PRSS56: variants seen among roughly 807,000 people sequenced by gnomAD.
The protein encoded by PRSS56 is serine protease 56, also known as protease, serine 56.
Under a neutral mutation model 66.8 loss-of-function variants are expected in PRSS56, and 55 were observed. That is an observed-to-expected ratio of 0.82 (90% confidence interval 0.66 to 1.03). The LOEUF is 1.03. Among genes scored for constraint, PRSS56 ranks in the 50% least tolerant of loss-of-function variants. The pLI is 0.00. For synonymous variants in PRSS56, 409 were observed against 387.9 expected (o/e 1.05, Z -0.64); for missense variants, 869 against 837.2 (o/e 1.04, Z -0.47).
intron 6 of PRSS56, 97 bp from the exon 7 acceptor site, chr2:232,522,962 CT>C: frequency 6.9e-7 from 1 of 1,443,422 alleles, no homozygotes; most frequent in Admixed American, 2.5e-5. Context: ...GCTGCCTGCT[CT>C]TTCAAAGGGG....
intron 5 of PRSS56, 25 bp from the exon 6 acceptor site, chr2:232,522,677 C>T (rs1691307805): frequency 6.5e-7 from 1 of 1,533,550 alleles, no homozygotes; most frequent in Admixed American, 2.0e-5. Flanking sequence ...GCTTCCTTGA[C>T]CCTGCGCCGC....
Position 232,524,376 on chromosome 2 carries a change from A to G in PRSS56, c.1414+7A>G. ...CCGCGCGGAGAAGCCAACGGTAATG[A>G]CGCCCCCTGCCGACCTTCAGGAGGG... is the stretch of plus-strand genomic sequence containing the variant. On this transcript the variant is annotated splice_region_variant and intron_variant, in intron 11 of 12. Coordinates refer to ENST00000617714, the MANE Select transcript of PRSS56 (RefSeq NM_001195129.2). The G allele has an allele frequency of 6.5e-7, 1 of 1,534,482 alleles. No homozygotes were observed. Among genetic ancestry groups the G allele is most frequent in the Non-Finnish European group, 8.7e-7 (1 of 1,146,216 alleles).
chr2:232,521,765 G>A (rs980629817), intron 2 of PRSS56, 51 bp from the exon 3 acceptor site: 18 of 1,517,934 alleles, frequency 1.2e-5, no homozygotes, highest in Non-Finnish European at 1.6e-5. Context: ...AGCCTGGGGT[G>A]AGGACAGGCG....
intron 4 of PRSS56, 138 bp downstream of exon 4, chr2:232,522,298 T>C: frequency 1.1e-6 from 1 of 910,488 alleles, no homozygotes; most frequent in Non-Finnish European, 1.5e-6. Flanking sequence ...GGCTTCCCCA[T>C]CTCAAGGCGC....
intron 1 of PRSS56, 110 bp from the exon 2 acceptor site, chr2:232,521,211 C>A: frequency 1.2e-6 from 1 of 810,384 alleles, no homozygotes; most frequent in Non-Finnish European, 2.0e-6. Context: ...CCTCCTCATT[C>A]TGTCCCAGGC....
At chr2:232,524,973 GGGGTA>G in intron 12 of PRSS56, 129 bp downstream of exon 12, 1 of 855,366 alleles carries the variant, frequency 1.2e-6, no homozygotes, top group Non-Finnish European at 1.8e-6. Context: ...CCCAGCTCTG[GGGGTA>G]GGTAGAGGGT....
intron 5 of PRSS56, 30 bp downstream of exon 5, chr2:232,522,644 C>T: frequency 6.5e-7 from 1 of 1,532,320 alleles, no homozygotes; most frequent in Non-Finnish European, 8.7e-7. Flanking sequence ...GCCCCCAAGG[C>T]TGGGCACCGC....
intron 7 of PRSS56, 76 bp downstream of exon 7, chr2:232,523,278 T>C: frequency 1.4e-6 from 2 of 1,421,340 alleles, no homozygotes; most frequent in Non-Finnish European, 9.2e-7. Context: ...CTTCCACGTC[T>C]GTCTGTCACT....
Position 232,524,090 on chromosome 2 carries a change from A to T in PRSS56, c.1238A>T (p.Glu413Val), listed in dbSNP as rs1277722460. 6.6e-7 allele frequency: 1 copy of T among 1,523,404 alleles called. No homozygotes were observed. Among genetic ancestry groups the T allele is most frequent in the South Asian group, 1.2e-5 (1 of 82,946 alleles). 94.4% of individuals were successfully genotyped at this position (1,523,404 alleles called of 1,614,324 possible). ...CTGGGCCTGCTGCGGAACGCGCAGG[A>T]GCTGCTCGGGCCTCGTCCGGGACTG... is the stretch of plus-strand genomic sequence containing the variant. ...TLLGLLRNAQ[E>V]LLGPRPGLRR... The change falls in exon 10 of 13, where the codon GAG (glutamate) becomes GTG (valine). Residue 413 changes from glutamate to valine, a missense_variant. Physicochemically the swap from Glu to Val is moderately radical, Grantham distance 121. Around this residue, in one of 3 missense-constraint regions of PRSS56, gnomAD observed 551 missense variants for 506.9 expected, o/e 1.09. Transcript: ENST00000617714.
In PRSS56 at chr2:232,523,847, C is replaced by T. The variant is rs1157774143; in HGVS notation, c.1088C>T (p.Ala363Val). 6.5e-7 allele frequency: 1 copy of T among 1,533,220 alleles called. No individual in the cohort carries two copies. Among genetic ancestry groups the T allele is most frequent in the Non-Finnish European group, 8.7e-7 (1 of 1,146,204 alleles). 95.0% of individuals were successfully genotyped at this position (1,533,220 alleles called of 1,614,324 possible). A position where few individuals can be genotyped will look rare whatever the true frequency, so the allele number is the denominator to read the frequency against. The part of the protein sequence containing the change: ...DPPQELQADA[A>V]RLCAFYARLC... ...CCCCAGGAGCTGCAGGCAGACGCCG[C>T]CCGGCTCTGCGCCTTCTATGCCCGC... The change falls in exon 9 of 13, where the codon GCC (alanine) becomes GTC (valine). Residue 363 changes from alanine (A) to valine (V), a missense_variant. Around this residue, in one of 3 missense-constraint regions of PRSS56, gnomAD observed 551 missense variants for 506.9 expected, o/e 1.09. Coordinates refer to ENST00000617714, the MANE Select transcript of PRSS56 (RefSeq NM_001195129.2).
At position 232,523,911 on chromosome 2, in the gene PRSS56, G is replaced by T. The variant is rs772603106; in HGVS notation, c.1152G>T (p.Ala384=). The T allele has an allele frequency of 1.5e-5, 22 of 1,515,522 alleles. No individual in the cohort carries two copies. Among genetic ancestry groups the T allele is most frequent in the Non-Finnish European group, 1.8e-5 (21 of 1,137,002 alleles). The allele number at this position is 1,515,522 out of a possible 1,614,324, so 93.9% of individuals were successfully genotyped here. A position where few individuals can be genotyped will look rare whatever the true frequency, so the allele number is the denominator to read the frequency against. Reference sequence around the variant, plus strand: ...CCCAGGGCGCCTGTGCGCGCCTGGCGCACCAGCAGTGCCTGCAGCGCCGGC... The same window carrying T: ...CCCAGGGCGCCTGTGCGCGCCTGGCTCACCAGCAGTGCCTGCAGCGCCGGC... ...PGSQGACARL[A]HQQCLQRRRR... The change falls in exon 9 of 13, where the codon GCG becomes GCT. Residue 384 remains alanine (A), a synonymous_variant. Coordinates refer to ENST00000617714, the MANE Select transcript of PRSS56 (RefSeq NM_001195129.2).
At chr2:232,522,468 G>C in intron 4 of PRSS56, 47 bp from the exon 5 acceptor site, 1 of 1,454,428 alleles carries the variant, frequency 6.9e-7, no homozygotes. Flanking sequence ...GGGCCTGCGG[G>C]GTGTGCCCCT....
chr2:232,524,178 C>G lies in PRSS56; in HGVS notation c.1326C>G (p.Pro442=). ...CGCTCAGGGAGTCTCCTCTGCACCC[C>G]GCCCGGGAGCTGCGGCTTCACTCAG... The part of the protein sequence containing the change: ...APALRESPLH[P]ARELRLHSGS... The change falls in exon 10 of 13, where the codon CCC becomes CCG. Residue 442 remains proline, a synonymous_variant. Coordinates refer to ENST00000617714, the MANE Select transcript of PRSS56 (RefSeq NM_001195129.2). 6.5e-7 allele frequency: 1 copy of G among 1,528,994 alleles called. No individual in the cohort carries two copies. Among genetic ancestry groups the G allele is most frequent in the Non-Finnish European group, 8.7e-7 (1 of 1,143,126 alleles). The allele number at this position is 1,528,994 out of a possible 1,614,324, so 94.7% of individuals were successfully genotyped here.
Position 232,524,388 on chromosome 2 carries a change from G to A in PRSS56, c.1414+19G>A. The A allele has an allele frequency of 6.5e-7, 1 of 1,533,340 alleles. No homozygotes were observed. The highest frequency in any genetic ancestry group is 8.7e-7 in the Non-Finnish European group (1 of 1,145,598). The allele number at this position is 1,533,340 out of a possible 1,614,324, so 95.0% of individuals were successfully genotyped here. The stretch of plus-strand genomic sequence containing the variant: ...GCCAACGGTAATGACGCCCCCTGCC[G>A]ACCTTCAGGAGGGGATAGGCTGAGG... On this transcript the variant is annotated intron_variant, in intron 11 of 12. Coordinates refer to ENST00000617714, the MANE Select transcript of PRSS56 (RefSeq NM_001195129.2).
chr2:232,521,696 C>G, intron 2 of PRSS56, 120 bp from the exon 3 acceptor site: 1 of 1,016,098 alleles, frequency 9.8e-7, no homozygotes, highest in Non-Finnish European at 1.4e-6. Context: ...TGAAATAGAA[C>G]CCGTGTGGGC....
At chr2:232,524,476 C>A in intron 11 of PRSS56, 107 bp downstream of exon 11, 2 of 1,103,054 alleles carry the variant, frequency 1.8e-6, no homozygotes, top group Non-Finnish European at 2.6e-6. Context: ...CATGGGGCAA[C>A]AGGGTGGACT....
chr2:232,520,704 A>G lies in PRSS56; in HGVS notation c.97+9A>G. 4 of 1,515,742 alleles carry G rather than the reference A, an allele frequency of 2.6e-6. No individual in the cohort carries two copies. The highest frequency in any genetic ancestry group is 3.5e-6 in the Non-Finnish European group (4 of 1,129,990). The allele number at this position is 1,515,742 out of a possible 1,614,324, so 93.9% of individuals were successfully genotyped here. A position where few individuals can be genotyped will look rare whatever the true frequency, so the allele number is the denominator to read the frequency against. ...CCCCAGCGCCCTGCAAGGTAAGTCC[A>G]GGCTGGCCCGAGAGCCGCGGGGTTG... On this transcript the variant is annotated intron_variant, in intron 1 of 12. Transcript: ENST00000617714.
At chr2:232,521,192 G>A in intron 1 of PRSS56, 129 bp from the exon 2 acceptor site, 2 of 682,784 alleles carry the variant, frequency 2.9e-6, no homozygotes, top group Non-Finnish European at 5.0e-6. Flanking sequence ...CGTCCCCGGG[G>A]CTCACTTGCC....
chr2:232,525,307 G>T lies in PRSS56; in HGVS notation c.1613G>T (p.Gly538Val). The change falls in exon 13 of 13, where the codon GGC becomes GTC. Residue 538 changes from glycine to valine, a missense_variant. By Grantham distance (109) the Gly-to-Val change is moderately radical (BLOSUM62 -3). Coordinates refer to ENST00000617714, the MANE Select transcript of PRSS56 (RefSeq NM_001195129.2). ...GLGGRHVAFS[G>V]LVGLEPATLA... The stretch of plus-strand genomic sequence containing the variant: ...GGGGGCCGGCATGTGGCCTTCAGCG[G>T]CCTGGTGGGCCTGGAGCCGGCCACA... 3 of 1,523,790 alleles carry T rather than the reference G, an allele frequency of 2.0e-6. No homozygotes were observed. Among genetic ancestry groups the T allele is most frequent in the Non-Finnish European group, 2.6e-6 (3 of 1,138,400 alleles). 94.4% of individuals were successfully genotyped at this position (1,523,790 alleles called of 1,614,324 possible).
Sources: gnomAD v4.1 joint callset for allele counts on GRCh38, gnomAD v4.1.1 for gene constraint, gnomAD v4.1.1 regional missense constraint, MANE v1.5 for transcripts, NCBI Gene and HGNC (gene_info 2026-07-23, HGNC 2026-07-21) for gene names.